The following RBFOX2 variants were observed in gnomAD, a reference collection of about 807,000 sequenced individuals.
RBFOX2 encodes RNA binding protein fox-1 homolog 2.
A neutral mutation model predicts 49.1 loss-of-function variants in RBFOX2; 10 were observed. That is an observed-to-expected ratio of 0.20 (90% CI 0.13 to 0.35). RBFOX2 has a LOEUF of 0.35. Ranked by LOEUF, RBFOX2 falls within the 10% of genes least tolerant of loss-of-function variation. The pLI is 1.00. For missense variants in RBFOX2, 323 were observed against 486.9 expected (o/e 0.66, Z 3.17); for synonymous variants, 183 against 187.4 (o/e 0.98, Z 0.19).
exon 12 of RBFOX2, chr22:35,739,006 G>A (rs1200034494): frequency 6.5e-6 from 1 of 152,674 alleles, no homozygotes; most frequent in African/African-American, 2.4e-5. Flanking sequence ...AACGAGAAGG[G>A]AAGGGAATTA....
intron 4 of RBFOX2, among the ~76,000 whole-genome samples, chr22:35,771,410 A>G (rs1378422322): frequency 6.6e-6 from 1 of 152,150 alleles, no homozygotes; most frequent in Non-Finnish European, 1.5e-5. Context: ...AGAAAAGGGG[A>G]GAAAACAGAT....
chr22:35,880,523 C>T (rs1319064363), intron 1 of RBFOX2, among the ~76,000 whole-genome samples: 3 of 152,182 alleles, frequency 2.0e-5, no homozygotes, highest in East Asian at 1.9e-4. Context: ...CAGAATTTAA[C>T]ACCCAGTGTA....
At chr22:35,971,945 C>T (rs1340498605) in intron 1 of RBFOX2, among the ~76,000 whole-genome samples, 1 of 141,240 alleles carries the variant, frequency 7.1e-6, no homozygotes, top group African/African-American at 2.6e-5. Context: ...AAAACACTCT[C>T]TAAAACCACT....
At chr22:35,801,833 G>T (rs1307875142) in intron 2 of RBFOX2, among the ~76,000 whole-genome samples, 3 of 151,656 alleles carry the variant, frequency 2.0e-5, no homozygotes, top group Admixed American at 6.6e-5. Flanking sequence ...TCAAAAATAA[G>T]ATCAAATAAA....
At chr22:35,900,064 G>C (rs2048381103) in intron 1 of RBFOX2, among the ~76,000 whole-genome samples, 2 of 152,168 alleles carry the variant, frequency 1.3e-5, no homozygotes, top group Admixed American at 1.3e-4. Context: ...AAAGGGTCTG[G>C]AGCCACATTT....
At chr22:35,892,951 G>A (rs2047421771) in intron 1 of RBFOX2, among the ~76,000 whole-genome samples, 1 of 152,128 alleles carries the variant, frequency 6.6e-6, no homozygotes. Flanking sequence ...CACTGAATGC[G>A]TGACCACCAA....
chr22:35,857,116 T>A (rs1213852229), intron 1 of RBFOX2, among the ~76,000 whole-genome samples: 1 of 152,168 alleles, frequency 6.6e-6, no homozygotes, highest in Non-Finnish European at 1.5e-5. Flanking sequence ...GGGTAGGTGG[T>A]GGCAAATGAC....
chr22:35,876,701 A>AACACACACACACAC lies in RBFOX2; in HGVS notation c.-34+62132_-34+62145dup, dbSNP rs142455818. On this transcript the variant is annotated intron_variant, in intron 1 of 13. Transcript: ENST00000359369. Reference sequence around the variant, plus strand: ...CTGATCACATTCTCCCATTAAAAGAAACACACACACACACACACACACACA... The same window carrying AACACACACACACAC: ...CTGATCACATTCTCCCATTAAAAGAAACACACACACACACACACACACACACACACACACACACA... Among the ~76,000 whole-genome samples the AACACACACACACAC allele has an allele frequency of 6.5e-4, 92 of 140,546 alleles. 1 individual carries two copies. Among genetic ancestry groups the AACACACACACACAC allele is most frequent in the African/African-American group, 2.3e-3 (90 of 38,460 alleles). 92.2% of individuals were successfully genotyped at this position (140,546 alleles called of 152,430 possible).
chr22:35,971,546 GA>G, intron 1 of RBFOX2, among the ~76,000 whole-genome samples: 1 of 151,944 alleles, frequency 6.6e-6, no homozygotes, highest in Non-Finnish European at 1.5e-5. Context: ...CAACCCACAA[GA>G]AACATATACA....
chr22:35,926,811 C>T (rs375975507), intron 1 of RBFOX2, among the ~76,000 whole-genome samples: 1 of 152,064 alleles, frequency 6.6e-6, no homozygotes, highest in African/African-American at 2.4e-5. Flanking sequence ...AAAACCAAAC[C>T]CATTACCACC....
chr22:35,792,330 A>AAAAAG (rs1193695072), intron 2 of RBFOX2, among the ~76,000 whole-genome samples: 2,098 of 136,266 alleles, frequency 0.015, 25 homozygotes, highest in South Asian at 0.045. Flanking sequence ...AAAAAAAAAA[A>AAAAAG]AAAAGAAAAG....
chr22:35,862,316 A>G (rs2043181918), intron 1 of RBFOX2, among the ~76,000 whole-genome samples: 1 of 151,448 alleles, frequency 6.6e-6, no homozygotes, highest in Non-Finnish European at 1.5e-5. Flanking sequence ...AAAAATTAAA[A>G]TAATGAATTC....
At chr22:35,982,793 T>C (rs2057525135) in intron 1 of RBFOX2, among the ~76,000 whole-genome samples, 1 of 151,254 alleles carries the variant, frequency 6.6e-6, no homozygotes, top group South Asian at 2.1e-4. Context: ...AAGGGTATCG[T>C]TTAAAAAAAA....
At chr22:35,943,429 G>A (rs187941443), upstream of RBFOX2, among the ~76,000 whole-genome samples, 756 of 151,938 alleles carry the variant, frequency 5.0e-3, 4 homozygotes, top group Non-Finnish European at 8.3e-3. Context: ...TGAAAGAAAC[G>A]GACTCTGTCT....
intron 1 of RBFOX2, among the ~76,000 whole-genome samples, chr22:35,855,984 G>C (rs1033393509): frequency 1.3e-5 from 2 of 151,588 alleles, no homozygotes; most frequent in Non-Finnish European, 2.9e-5. Context: ...TCGAGCCTAG[G>C]AGACAGAGTG....
intron 6 of RBFOX2, among the ~76,000 whole-genome samples, chr22:35,764,316 G>A (rs935788048): frequency 6.6e-6 from 1 of 152,068 alleles, no homozygotes; most frequent in Admixed American, 6.5e-5. Context: ...CAGGCATGGT[G>A]GCTCACGCCT....
chr22:35,935,010 C>A (rs2052891509), intron 1 of RBFOX2, among the ~76,000 whole-genome samples: 1 of 152,140 alleles, frequency 6.6e-6, no homozygotes, highest in Non-Finnish European at 1.5e-5. Context: ...TCATAGCTCA[C>A]CACAGCCTCA....
intron 1 of RBFOX2, among the ~76,000 whole-genome samples, chr22:35,957,080 A>G (rs2055651898): frequency 6.6e-6 from 1 of 152,114 alleles, no homozygotes; most frequent in Non-Finnish European, 1.5e-5. Context: ...GTAGTGAGGT[A>G]TGGGGGAAAG....
chr22:36,025,046 G>A (rs1017289797), intron 1 of RBFOX2, among the ~76,000 whole-genome samples: 8 of 152,094 alleles, frequency 5.3e-5, no homozygotes, highest in African/African-American at 1.4e-4. Context: ...GATCTCAGGC[G>A]ATCCACCCGC....
Sources: allele counts gnomAD v4.1 joint callset (sites outside exome capture counted in the v4.1 genomes callset), GRCh38; gene constraint gnomAD v4.1.1; transcripts MANE v1.5; gene names NCBI Gene and HGNC (gene_info 2026-07-23, HGNC 2026-07-21).